Variants in NELL2 observed in about 807,000 individuals in gnomAD.
The protein encoded by NELL2 is neural EGFL like 2.
Under a neutral mutation model 109.6 loss-of-function variants are expected in NELL2, and 41 were observed. The observed-to-expected ratio is 0.37, with a 90% CI of 0.29 to 0.49. NELL2 has a LOEUF of 0.49. Ranked by LOEUF, NELL2 falls within the 20% of genes least tolerant of loss-of-function variation. The pLI is 0.98. For missense variants in NELL2, 900 were observed against 1,008.3 expected, an observed-to-expected ratio of 0.89 and a Z score of 1.45; for synonymous variants, 355 against 344.7, an observed-to-expected ratio of 1.03 and a Z score of -0.33.
intron 12 of NELL2, among the ~76,000 whole-genome samples, chr12:44,700,360 C>A (rs751605864): frequency 6.6e-6 from 1 of 152,094 alleles, no homozygotes; most frequent in Non-Finnish European, 1.5e-5. Context: ...GATCACGAAA[C>A]TTCTCATCTT....
chr12:44,653,914 T>C (rs1432136997), intron 13 of NELL2, among the ~76,000 whole-genome samples: 1 of 152,216 alleles, frequency 6.6e-6, no homozygotes, highest in Non-Finnish European at 1.5e-5. Flanking sequence ...GCTTTATCTC[T>C]TACAATTCCA....
At chr12:44,545,329 T>C (rs1942748050) in intron 15 of NELL2, among the ~76,000 whole-genome samples, 1 of 152,120 alleles carries the variant, frequency 6.6e-6, no homozygotes, top group South Asian at 2.1e-4. Context: ...GGTCATTTTT[T>C]GGTTTCGAGT....
At chr12:44,565,366 A>C (rs1381050127) in intron 15 of NELL2, among the ~76,000 whole-genome samples, 1 of 152,170 alleles carries the variant, frequency 6.6e-6, no homozygotes, top group East Asian at 1.9e-4. Context: ...TGACATCATC[A>C]TTAGACACTT....
At chr12:44,547,989 C>T (rs1942869820) in intron 15 of NELL2, among the ~76,000 whole-genome samples, 1 of 152,176 alleles carries the variant, frequency 6.6e-6, no homozygotes. Context: ...CTGCGAAATG[C>T]CTGCTAGTCT....
intron 1 of NELL2, among the ~76,000 whole-genome samples, chr12:44,901,071 G>C (rs1264014944): frequency 6.6e-6 from 1 of 152,072 alleles, no homozygotes; most frequent in Non-Finnish European, 1.5e-5. Flanking sequence ...AAGGAGGATA[G>C]AGATATGAAA....
intron 9 of NELL2, among the ~76,000 whole-genome samples, chr12:44,729,574 A>AAACAC (rs1555206439): frequency 6.7e-6 from 1 of 148,568 alleles, no homozygotes; most frequent in Non-Finnish European, 1.5e-5. Flanking sequence ...TAAAAAAAAA[A>AAACAC]AAAACCAAGA....
At chr12:44,590,018 A>G (rs1944685941) in intron 15 of NELL2, among the ~76,000 whole-genome samples, 1 of 152,048 alleles carries the variant, frequency 6.6e-6, no homozygotes, top group South Asian at 2.1e-4. Flanking sequence ...CCAACTCCTA[A>G]CTTACAGTTT....
rs549295101 is a variant in NELL2 at position 44,697,517 on chromosome 12, T to A, written c.1318+6209A>T. On this transcript the variant is annotated intron_variant, in intron 12 of 19. Coordinates refer to ENST00000429094, the MANE Select transcript of NELL2 (RefSeq NM_001145108.2). ...GTGGCCCCAGTCAGGAATATATATA[T>A]TTTTTCTCATCAACATTATAATGAA... Among the ~76,000 whole-genome samples, 178 of 152,140 alleles carry A rather than the reference T, an allele frequency of 1.2e-3. 1 individual carries two copies. Among genetic ancestry groups the A allele is most frequent in the Non-Finnish European group, 1.1e-3 (74 of 68,030 alleles).
chr12:44,811,374 T>C (rs1943174524), intron 3 of NELL2, among the ~76,000 whole-genome samples: 1 of 145,332 alleles, frequency 6.9e-6, no homozygotes, highest in Non-Finnish European at 1.5e-5. Context: ...AGACATTATA[T>C]GTTAGAATGC....
chr12:44,852,778 A>G lies in NELL2; in HGVS notation c.184+22447T>C, dbSNP rs530181386. 2.0e-5 allele frequency among the ~76,000 whole-genome samples: 3 copies of G among 152,290 alleles called. No homozygotes were observed. In the South Asian group the frequency reaches 6.2e-4, roughly 32 times the overall value. On this transcript the variant is annotated intron_variant, in intron 2 of 19. Coordinates refer to ENST00000429094, the MANE Select transcript of NELL2 (RefSeq NM_001145108.2). ...TCATTTTTTTCCATTAGTCTTTGAA[A>G]CGTGTTCTAATTTGAAAGTATGTTA...
intron 2 of NELL2, among the ~76,000 whole-genome samples, chr12:44,830,939 G>A (rs906700034): frequency 6.6e-6 from 1 of 151,960 alleles, no homozygotes; most frequent in Non-Finnish European, 1.5e-5. Context: ...TGCTTTAAAA[G>A]TGTCAGAATT....
chr12:44,900,984 T>TCAAAA (rs140014427), intron 1 of NELL2, among the ~76,000 whole-genome samples: 30,580 of 149,988 alleles, frequency 0.2, 3,541 homozygotes, highest in East Asian at 0.29. Flanking sequence ...TAAGAAACTG[T>TCAAAA]CAAAACAAAA....
intron 12 of NELL2, among the ~76,000 whole-genome samples, chr12:44,668,149 C>CAT (rs1463449400): frequency 6.6e-6 from 1 of 152,152 alleles, no homozygotes; most frequent in East Asian, 1.9e-4. Flanking sequence ...ACCAGCTGGA[C>CAT]CCATCAGTGC....
chr12:44,610,151 G>C (rs1328390239), intron 14 of NELL2, among the ~76,000 whole-genome samples: 3 of 150,240 alleles, frequency 2.0e-5, no homozygotes, highest in Non-Finnish European at 4.4e-5. Context: ...CATTAACAAA[G>C]AAGCTAAAAT....
chr12:44,558,229 G>A (rs1026707889), intron 15 of NELL2, among the ~76,000 whole-genome samples: 3 of 152,172 alleles, frequency 2.0e-5, no homozygotes, highest in Admixed American at 2.0e-4. Context: ...GTACAAAATG[G>A]ATAATCGATT....
At chr12:44,751,817 A>T (rs1404628061) in intron 9 of NELL2, among the ~76,000 whole-genome samples, 4 of 152,190 alleles carry the variant, frequency 2.6e-5, no homozygotes, top group Admixed American at 2.6e-4. Flanking sequence ...AAAATAAGCT[A>T]TTCTAAGCTT....
chr12:44,810,851 A>C (rs779511730), intron 3 of NELL2, among the ~76,000 whole-genome samples: 10 of 152,152 alleles, frequency 6.6e-5, no homozygotes, highest in Non-Finnish European at 1.5e-4. Flanking sequence ...TTTTTTAAGA[A>C]AGCTACAATT....
At chr12:44,657,768 C>T (rs905687282) in intron 13 of NELL2, among the ~76,000 whole-genome samples, 6 of 152,090 alleles carry the variant, frequency 3.9e-5, no homozygotes, top group African/African-American at 7.2e-5. Context: ...CTGAGAATGA[C>T]GGTTTCCAGC....
At chr12:44,856,563 G>C (rs1210093724) in intron 2 of NELL2, among the ~76,000 whole-genome samples, 2 of 152,210 alleles carry the variant, frequency 1.3e-5, no homozygotes, top group Non-Finnish European at 2.9e-5. Context: ...AAAACATGCA[G>C]CTGTCTGGGG....
Sources: allele counts gnomAD v4.1 joint callset (sites outside exome capture counted in the v4.1 genomes callset), GRCh38; gene constraint gnomAD v4.1.1; transcripts MANE v1.5; gene names NCBI Gene and HGNC (gene_info 2026-07-23, HGNC 2026-07-21).